Variants in SYCP1 observed in about 807,000 individuals in gnomAD.
SYCP1 encodes synaptonemal complex protein 1.
SYCP1 carries 64 observed loss-of-function variants against 153.1 expected under a neutral mutation model. The ratio of observed to expected loss-of-function variants is 0.42; its 90% CI spans 0.34 to 0.51. The LOEUF (loss-of-function observed/expected upper bound fraction) is 0.51. Ranked by LOEUF, SYCP1 falls within the 20% of genes least tolerant of loss-of-function variation. SYCP1 has a pLI of 0.06. For synonymous variants in SYCP1, 384 were observed against 341.8 expected, an observed-to-expected ratio of 1.12 and a Z score of -1.36; for missense variants, 997 against 1,049.0, an observed-to-expected ratio of 0.95 and a Z score of 0.68.
At chr1:114,926,222 G>A (rs1286604749) in intron 21 of SYCP1, 56 bp from the exon 22 acceptor site, 33 of 1,275,806 alleles carry the variant, frequency 2.6e-5, no homozygotes, top group Non-Finnish European at 3.1e-5. Flanking sequence ...GTCTGAAATT[G>A]CCTGTTTCAA....
At chr1:114,941,359 G>A (rs541565967) in intron 23 of SYCP1, among the ~76,000 whole-genome samples, 14 of 152,120 alleles carry the variant, frequency 9.2e-5, no homozygotes, top group African/African-American at 3.4e-4. Context: ...TTGCCTTAGA[G>A]CAAGTTTTTA....
At chr1:114,982,445 A>G (rs1673221398) in intron 29 of SYCP1, among the ~76,000 whole-genome samples, 1 of 151,614 alleles carries the variant, frequency 6.6e-6, no homozygotes, top group Admixed American at 6.6e-5. Context: ...ATATCAGTTG[A>G]ATTATATTCA....
chr1:114,874,000 A>G (rs1166911937), intron 8 of SYCP1, among the ~76,000 whole-genome samples: 2 of 152,226 alleles, frequency 1.3e-5, no homozygotes, highest in East Asian at 3.9e-4. Flanking sequence ...CCAAAGTGCT[A>G]GGATTACAGG....
chr1:114,940,232 G>A (rs1165503080), intron 23 of SYCP1, among the ~76,000 whole-genome samples: 1 of 151,920 alleles, frequency 6.6e-6, no homozygotes, highest in African/African-American at 2.4e-5. Context: ...TGAGTAGTTG[G>A]GATTACAGGC....
intron 30 of SYCP1, among the ~76,000 whole-genome samples, chr1:114,987,444 G>T (rs1016376011): frequency 2.0e-5 from 3 of 151,958 alleles, no homozygotes; most frequent in Admixed American, 6.6e-5. Context: ...AGGTAGGAAG[G>T]TTTCTTGAGG....
At chr1:114,938,567 AAAAT>A (rs1305706224) in intron 23 of SYCP1, among the ~76,000 whole-genome samples, 1 of 152,074 alleles carries the variant, frequency 6.6e-6, no homozygotes, top group Non-Finnish European at 1.5e-5. Context: ...AAATAAATCA[AAAAT>A]AAATAAGTAA....
chr1:114,956,607 T>G (rs1671449758), intron 27 of SYCP1, among the ~76,000 whole-genome samples: 1 of 152,140 alleles, frequency 6.6e-6, no homozygotes, highest in African/African-American at 2.4e-5. Context: ...GGGAGGCATG[T>G]CCATCTCAGC....
At chr1:114,992,167 T>A (rs763735350) in intron 30 of SYCP1, among the ~76,000 whole-genome samples, 4 of 151,726 alleles carry the variant, frequency 2.6e-5, no homozygotes, top group Non-Finnish European at 5.9e-5. Context: ...CCTAAATAAA[T>A]GGAAAGACAT....
At chr1:114,926,471 AC>A in intron 22 of SYCP1, 29 bp from the exon 23 acceptor site, 1 of 1,523,826 alleles carries the variant, frequency 6.6e-7, no homozygotes, top group Non-Finnish European at 8.8e-7. Flanking sequence ...TAACTTTAGT[AC>A]TAAATATAAT....
intron 16 of SYCP1, among the ~76,000 whole-genome samples, chr1:114,905,736 T>C (rs925515346): frequency 2.0e-5 from 3 of 152,234 alleles, no homozygotes; most frequent in African/African-American, 7.2e-5. Context: ...AGGTCTTCAC[T>C]ATGGATTTAA....
rs200957999 is a variant in SYCP1, at chr1:114,895,528, A to G, written c.1320+19A>G. 508 of 1,304,666 alleles carry G rather than the reference A, an allele frequency of 3.9e-4. 5 individuals carry two copies. In the East Asian group the frequency reaches 5.8e-3, roughly 15 times the overall value. The allele number at this position is 1,304,666 out of a possible 1,614,324, so 80.8% of individuals were successfully genotyped here. ...AGTCTTGGTAAGTATAGTCTTTCCTATTAATATATAGCAATTACTTTTCAG... is the reference window on the plus strand; with the variant it reads ...AGTCTTGGTAAGTATAGTCTTTCCTGTTAATATATAGCAATTACTTTTCAG... On this transcript the variant is annotated intron_variant, in intron 16 of 31. Coordinates refer to ENST00000369522, the MANE Select transcript of SYCP1 (RefSeq NM_003176.4).
rs753783542 is a variant in SYCP1 at position 114,878,217 on chromosome 1, A to C, written c.910+15A>C. On this transcript the variant is annotated intron_variant, in intron 12 of 31. Coordinates refer to ENST00000369522, the MANE Select transcript of SYCP1 (RefSeq NM_003176.4). ...GGAAAAGACAAGTAAGAGTTTATATAAGATAATATAATGTGCCTTATGTAT... is the reference window on the plus strand; with the variant it reads ...GGAAAAGACAAGTAAGAGTTTATATCAGATAATATAATGTGCCTTATGTAT... The C allele has an allele frequency of 2.8e-6, 4 of 1,422,140 alleles. No individual in the cohort carries two copies. Among genetic ancestry groups the C allele is most frequent in the Non-Finnish European group, 3.9e-6 (4 of 1,021,846 alleles). The allele number at this position is 1,422,140 out of a possible 1,614,324, so 88.1% of individuals were successfully genotyped here.
At chr1:114,975,783 T>G (rs974981523) in intron 27 of SYCP1, among the ~76,000 whole-genome samples, 5 of 151,844 alleles carry the variant, frequency 3.3e-5, no homozygotes, top group African/African-American at 9.7e-5. Flanking sequence ...GGCCTTAATC[T>G]CTGCCTAGCA....
At chr1:114,940,456 A>G (rs937082013) in intron 23 of SYCP1, among the ~76,000 whole-genome samples, 8 of 152,158 alleles carry the variant, frequency 5.3e-5, no homozygotes, top group Non-Finnish European at 1.2e-4. Context: ...ACACATTTCA[A>G]TGCTGTAAAT....
At chr1:114,888,137 A>G (rs1666440878) in intron 15 of SYCP1, among the ~76,000 whole-genome samples, 1 of 152,146 alleles carries the variant, frequency 6.6e-6, no homozygotes, top group Admixed American at 6.5e-5. Flanking sequence ...AAAATTCAAC[A>G]ACTTTCATGG....
At chr1:114,929,060 C>A (rs1270090708) in intron 23 of SYCP1, among the ~76,000 whole-genome samples, 1 of 152,088 alleles carries the variant, frequency 6.6e-6, no homozygotes. Flanking sequence ...TCTCTGGGAT[C>A]CTTTTTACAA....
intron 15 of SYCP1, among the ~76,000 whole-genome samples, chr1:114,894,420 A>G (rs1002211757): frequency 1.3e-5 from 2 of 152,210 alleles, no homozygotes; most frequent in African/African-American, 4.8e-5. Context: ...ACAGCTGGAC[A>G]TATTAGGGAA....
At position 114,857,223 on chromosome 1, in the gene SYCP1, A is replaced by G. The variant is rs1457462704; in HGVS notation, c.194-9A>G. The G allele has an allele frequency of 2.4e-5, 38 of 1,582,960 alleles. No homozygotes were observed. Among genetic ancestry groups the G allele is most frequent in the Admixed American group, 3.4e-5 (2 of 58,072 alleles). ...GCGTATTTAATACCTGTTGTCTTTTATCTTGCAGATCCTGCTTTACAAAAA... is the reference window on the plus strand; with the variant it reads ...GCGTATTTAATACCTGTTGTCTTTTGTCTTGCAGATCCTGCTTTACAAAAA... On this transcript the variant is annotated splice_polypyrimidine_tract_variant and intron_variant, in intron 3 of 31. Coordinates refer to ENST00000369522, the MANE Select transcript of SYCP1 (RefSeq NM_003176.4).
chr1:114,981,935 T>G (rs762508766), intron 29 of SYCP1, among the ~76,000 whole-genome samples: 5 of 152,066 alleles, frequency 3.3e-5, no homozygotes, highest in Non-Finnish European at 7.4e-5. Flanking sequence ...CAGTTACTAC[T>G]TCCCTTTGCT....
Sources: allele counts gnomAD v4.1 joint callset (sites outside exome capture counted in the v4.1 genomes callset), GRCh38; gene constraint gnomAD v4.1.1; transcripts MANE v1.5; gene names NCBI Gene and HGNC (gene_info 2026-07-23, HGNC 2026-07-21).